Variants in NACAD observed in about 807,000 individuals in gnomAD.
The protein encoded by NACAD is NAC alpha domain containing.
Under a neutral mutation model 98.9 loss-of-function variants are expected in NACAD, and 47 were observed. The ratio of observed to expected loss-of-function variants is 0.48; its 90% CI spans 0.38 to 0.61. The LOEUF is 0.61. NACAD is among the 20% of genes least tolerant of loss of function. NACAD has a pLI of 0.00. For missense variants in NACAD, 1,412 were observed against 1,748.2 expected (o/e 0.81, Z 3.43); for synonymous variants, 696 against 767.2 (o/e 0.91, Z 1.53).
At position 45,086,116 on chromosome 7, in the gene NACAD, T is replaced by C. The variant is rs1056193501; in HGVS notation, c.68-4A>G. The C allele has an allele frequency of 6.5e-7, 1 of 1,535,050 alleles. No homozygotes were observed. Among genetic ancestry groups the C allele is most frequent in the Non-Finnish European group, 8.7e-7 (1 of 1,146,536 alleles). On this transcript the variant is annotated splice_region_variant and splice_polypyrimidine_tract_variant and intron_variant, in intron 1 of 7. Coordinates refer to ENST00000490531, the MANE Select transcript of NACAD (RefSeq NM_001146334.2). Reference sequence around the variant, plus strand: ...GCGGCCGCATCGCAGGACAGATCTGTGGAGATAGAGAAGATCATGAGGTGC... The same window carrying C: ...GCGGCCGCATCGCAGGACAGATCTGCGGAGATAGAGAAGATCATGAGGTGC...
chr7:45,086,312 T>C (rs573093550), intron 1 of NACAD, among the ~76,000 whole-genome samples, 200 bp from the exon 2 acceptor site: 9 of 152,160 alleles, frequency 5.9e-5, no homozygotes, highest in South Asian at 2.1e-4. Context: ...CAGATGCTAG[T>C]GGTTTCCTAG....
chr7:45,084,322 C>T lies in NACAD; in HGVS notation c.1858G>A (p.Val620Met), dbSNP rs1784476534. ...DTDLSSAPKPVAAATIVSQQA... is the reference protein window; with the variant it reads ...DTDLSSAPKPMAAATIVSQQA... Reference sequence around the variant, plus strand: ...TGGGACACAATCGTGGCTGCAGCCACAGGCTTTGGGGCTGATGAGAGATCT... The same window carrying T: ...TGGGACACAATCGTGGCTGCAGCCATAGGCTTTGGGGCTGATGAGAGATCT... Residue 620 changes from valine (V) to methionine (M), a missense_variant, in exon 2 of 8, where the codon GTG (valine) becomes ATG (methionine). Val to Met is a conservative substitution (Grantham distance 21, BLOSUM62 1). Around this residue, in one of 5 missense-constraint regions of NACAD, gnomAD observed 72 missense variants for 198.0 expected, o/e 0.36. Coordinates refer to ENST00000490531, the MANE Select transcript of NACAD (RefSeq NM_001146334.2). 7.1e-7 allele frequency: 1 copy of T among 1,405,096 alleles called. No individual in the cohort carries two copies. Among genetic ancestry groups the T allele is most frequent in the Non-Finnish European group, 9.5e-7 (1 of 1,058,042 alleles). 87.0% of individuals were successfully genotyped at this position (1,405,096 alleles called of 1,614,324 possible).
chr7:45,088,885 C>A lies in NACAD; in HGVS notation c.10G>T (p.Glu4Ter), dbSNP rs1457971311. MPG[E>*]AARAELLLPE... ...AGCAGCAGCTCGGCGCGGGCAGCCT[C>A]CCCAGGCATGGCCTGGCCGTGCGCC... The change falls in exon 1 of 8, where the codon GAG becomes TAG. Residue 4 changes from glutamate (E) to a stop codon, truncating the protein, a stop_gained. Coordinates refer to ENST00000490531, the MANE Select transcript of NACAD (RefSeq NM_001146334.2). LOFTEE classifies it high-confidence loss of function. This position sits in a 1 kb window ranked among gnomAD's most constrained non-coding sequence, Gnocchi z 5.7. The A allele has an allele frequency of 6.8e-7, 1 of 1,480,762 alleles. No homozygotes were observed. Among genetic ancestry groups the A allele is most frequent in the Admixed American group, 2.2e-5 (1 of 45,390 alleles). 91.7% of individuals were successfully genotyped at this position (1,480,762 alleles called of 1,614,324 possible). A position where few individuals can be genotyped will look rare whatever the true frequency, so the allele number is the denominator to read the frequency against.
In NACAD at chr7:45,082,055, G is replaced by A; in HGVS notation, c.4072+53C>T. On this transcript the variant is annotated intron_variant, in intron 2 of 7. Coordinates refer to ENST00000490531, the MANE Select transcript of NACAD (RefSeq NM_001146334.2). This position sits in a 1 kb window ranked among gnomAD's most constrained non-coding sequence, Gnocchi z 4.5. Reference sequence around the variant, plus strand: ...CTCCAGCTCAGGACAGCTCTAAGGAGGAGTCCAGTTGACCCAAGCCCCAGG... The same window carrying A: ...CTCCAGCTCAGGACAGCTCTAAGGAAGAGTCCAGTTGACCCAAGCCCCAGG... 6.8e-7 allele frequency: 1 copy of A among 1,461,428 alleles called. No individual in the cohort carries two copies. The allele number at this position is 1,461,428 out of a possible 1,614,324, so 90.5% of individuals were successfully genotyped here.
Position 45,085,744 on chromosome 7 carries a change from G to A in NACAD, c.436C>T (p.His146Tyr). 2 of 1,549,770 alleles carry A rather than the reference G, an allele frequency of 1.3e-6. No individual in the cohort carries two copies. Among genetic ancestry groups the A allele is most frequent in the Non-Finnish European group, 8.7e-7 (1 of 1,146,812 alleles). Reference sequence around the variant, plus strand: ...TCGGGGGGTGGGTCTGGGCTTGCGTGCCCACCCTCCTGGTCCCTGAGCGCT... The same window carrying A: ...TCGGGGGGTGGGTCTGGGCTTGCGTACCCACCCTCCTGGTCCCTGAGCGCT... ...RTALRDQEGG[H>Y]ASPDPPPELC... is the part of the protein sequence containing the mutation. The change falls in exon 2 of 8, where the codon CAC becomes TAC. Residue 146 changes from histidine (H) to tyrosine (Y), a missense_variant. By Grantham distance (83) the His-to-Tyr change is moderately conservative. Transcript: ENST00000490531. This position sits in a 1 kb window ranked among gnomAD's most constrained non-coding sequence, Gnocchi z 6.1.
Position 45,080,735 on chromosome 7 carries a change from C to T in NACAD, c.4579G>A (p.Asp1527Asn). ...GCCTGCGCCATCACCAGCTCAATGT[C>T]ACGCAGTTCCAGCCCCGCCTCGTCC... Reference protein sequence around the residue: ...EVDEAGLELRDIELVMAQANV... With the variant: ...EVDEAGLELRNIELVMAQANV... The change falls in exon 7 of 8, where the codon GAC (aspartate) becomes AAC (asparagine). Residue 1527 changes from aspartate to asparagine, a missense_variant. Asp to Asn is a conservative substitution (Grantham distance 23). Coordinates refer to ENST00000490531, the MANE Select transcript of NACAD (RefSeq NM_001146334.2). The T allele has an allele frequency of 6.4e-7, 1 of 1,550,984 alleles. No individual in the cohort carries two copies. The highest frequency in any genetic ancestry group is 8.7e-7 in the Non-Finnish European group (1 of 1,146,956).
In NACAD at chr7:45,085,889, A is replaced by C. The variant is rs1246649040; in HGVS notation, c.291T>G (p.Pro97=). 5 of 1,547,146 alleles carry C rather than the reference A, an allele frequency of 3.2e-6. No individual in the cohort carries two copies. The highest frequency in any genetic ancestry group is 4.4e-6 in the Non-Finnish European group (5 of 1,145,928). Residue 97 remains proline, a synonymous_variant, in exon 2 of 8, where the codon CCT becomes CCG. Transcript: ENST00000490531. This position sits in a 1 kb window ranked among gnomAD's most constrained non-coding sequence, Gnocchi z 6.1. Reference sequence around the variant, plus strand: ...ACAGAGCCTGGGAAGACAGGCCCTCAGGGAGGAGCATGGGGCTTGGGCCGC... The same window carrying C: ...ACAGAGCCTGGGAAGACAGGCCCTCCGGGAGGAGCATGGGGCTTGGGCCGC... ...GEGGPSPMLL[P]EGLSSQALST... is the part of the protein sequence containing the mutation.
At position 45,088,902 on chromosome 7, in the gene NACAD, C is replaced by T; in HGVS notation, c.-8G>A. Reference sequence around the variant, plus strand: ...GGCAGCCTCCCCAGGCATGGCCTGGCCGTGCGCCCGCCCGTCCCTCAGTCC... The same window carrying T: ...GGCAGCCTCCCCAGGCATGGCCTGGTCGTGCGCCCGCCCGTCCCTCAGTCC... On this transcript the variant is annotated 5_prime_UTR_variant, in exon 1 of 8. Transcript: ENST00000490531. This position sits in a 1 kb window ranked among gnomAD's most constrained non-coding sequence, Gnocchi z 5.7. The T allele has an allele frequency of 1.4e-6, 2 of 1,420,642 alleles. No homozygotes were observed. The highest frequency in any genetic ancestry group is 3.0e-5 in the East Asian group (1 of 33,062). The allele number at this position is 1,420,642 out of a possible 1,614,324, so 88.0% of individuals were successfully genotyped here.
chr7:45,085,248 AG>A lies in NACAD; in HGVS notation c.931del (p.Leu311TyrfsTer16). The A allele has an allele frequency of 6.4e-7, 1 of 1,551,378 alleles. No individual in the cohort carries two copies. The highest frequency in any genetic ancestry group is 8.7e-7 in the Non-Finnish European group (1 of 1,146,936). On this transcript the variant is annotated frameshift_variant, in exon 2 of 8. Coordinates refer to ENST00000490531, the MANE Select transcript of NACAD (RefSeq NM_001146334.2). LOFTEE classifies it high-confidence loss of function. This position sits in a 1 kb window ranked among gnomAD's most constrained non-coding sequence, Gnocchi z 6.1. ...AAAGATGAGGCTGCCCTGGAAGGGT[AG>A]GAGGGCTGCGGGGATCATTGGGTCA... ...ANDPMIPAALLPFQGSLIFQV... is the reference protein window; with the variant it reads ...ANDPMIPAALXPFQGSLIFQV...
intron 7 of NACAD, 54 bp from the exon 8 acceptor site, chr7:45,080,577 C>T: frequency 6.4e-7 from 1 of 1,551,434 alleles, no homozygotes; most frequent in Non-Finnish European, 8.7e-7. Context: ...GAGCCAACAT[C>T]AGGACCTCTC....
rs751485056 is a variant in NACAD at position 45,080,740 on chromosome 7, A to G, written c.4574T>C (p.Leu1525Pro). The G allele has an allele frequency of 7.1e-6, 11 of 1,550,956 alleles. No homozygotes were observed. In the South Asian group the frequency reaches 1.3e-4, roughly 18 times the overall value. Residue 1525 changes from leucine (L) to proline (P), a missense_variant, in exon 7 of 8, where the codon CTG (leucine) becomes CCG (proline). Coordinates refer to ENST00000490531, the MANE Select transcript of NACAD (RefSeq NM_001146334.2). ...CGCCATCACCAGCTCAATGTCACGC[A>G]GTTCCAGCCCCGCCTCGTCCACCTG... ...EEEVDEAGLE[L>P]RDIELVMAQA...
chr7:45,087,594 AG>A (rs1472301334), intron 1 of NACAD, among the ~76,000 whole-genome samples: 1 of 152,228 alleles, frequency 6.6e-6, no homozygotes, highest in African/African-American at 2.4e-5. Flanking sequence ...TTAGAGTTGA[AG>A]CTGAAAGAAG....
Position 45,088,938 on chromosome 7 carries a change from C to A in NACAD, c.-44G>T, listed in dbSNP as rs1179833454. On this transcript the variant is annotated 5_prime_UTR_variant, in exon 1 of 8. Coordinates refer to ENST00000490531, the MANE Select transcript of NACAD (RefSeq NM_001146334.2). This position sits in a 1 kb window ranked among gnomAD's most constrained non-coding sequence, Gnocchi z 5.7. ...CCCGTCCCTCAGTCCTTCCGACCCT[C>A]CGTCAGTCCGTGCCGCCGCCCCGCC... The A allele has an allele frequency of 7.7e-7, 1 of 1,290,580 alleles. No homozygotes were observed. Among genetic ancestry groups the A allele is most frequent in the South Asian group, 2.3e-5 (1 of 43,184 alleles). 79.9% of individuals were successfully genotyped at this position (1,290,580 alleles called of 1,614,324 possible). A position where few individuals can be genotyped will look rare whatever the true frequency, so the allele number is the denominator to read the frequency against.
chr7:45,081,721 C>T (rs1239844810), intron 3 of NACAD, 34 bp downstream of exon 3: 3 of 1,551,046 alleles, frequency 1.9e-6, no homozygotes, highest in Admixed American at 3.9e-5. Context: ...GTGGGGCCCT[C>T]CCAGAGGCCC....
In NACAD at chr7:45,082,480, T is replaced by C; in HGVS notation, c.3700A>G (p.Thr1234Ala). Residue 1234 changes from threonine to alanine, a missense_variant, in exon 2 of 8, where the codon ACC (threonine) becomes GCC (alanine). This residue lies in a region of NACAD where 572 missense variants were observed against 639.6 expected (regional missense o/e 0.89). Transcript: ENST00000490531. This position sits in a 1 kb window ranked among gnomAD's most constrained non-coding sequence, Gnocchi z 4.5. ...PLGPDPSAPG[T>A]LAGAALPPLE... ...GGGGGTAGGGCTGCCCCAGCAAGGG[T>C]ACCAGGAGCAGAAGGGTCAGGGCCC... The C allele has an allele frequency of 6.5e-7, 1 of 1,548,750 alleles. No individual in the cohort carries two copies. The highest frequency in any genetic ancestry group is 8.7e-7 in the Non-Finnish European group (1 of 1,146,600).
Position 45,084,490 on chromosome 7 carries a change from T to G in NACAD, c.1690A>C (p.Asn564His). ...TCCAGCCCTCCTTCTTCCTTCAAGT[T>G]CTGAGGAGAGTCTGGACACAATGTG... is the stretch of plus-strand genomic sequence containing the variant. ...SLTLCPDSPQ[N>H]LKEEGGLDLP... Residue 564 changes from asparagine to histidine, a missense_variant, in exon 2 of 8, where the codon AAC becomes CAC. Physicochemically the swap from Asn to His is moderately conservative, Grantham distance 68. Transcript: ENST00000490531. 1 of 1,552,206 alleles carries G rather than the reference T, an allele frequency of 6.4e-7. No individual in the cohort carries two copies.
Position 45,085,991 on chromosome 7 carries a change from G to C in NACAD, c.189C>G (p.Ala63=). 6.5e-7 allele frequency: 1 copy of C among 1,537,508 alleles called. No individual in the cohort carries two copies. The highest frequency in any genetic ancestry group is 1.4e-5 in the African/African-American group (1 of 73,000). The change falls in exon 2 of 8, where the codon GCC becomes GCG. Residue 63 remains alanine, a synonymous_variant. Transcript: ENST00000490531. This position sits in a 1 kb window ranked among gnomAD's most constrained non-coding sequence, Gnocchi z 6.1. ...AGCTGGCTCCCTCGGGCTGGGGCCG[G>C]GCACCCGGCTTGCTGGGCAGGAACG... ...ALTFLPSKPG[A]RPQPEGASWD...
Position 45,082,294 on chromosome 7 carries a change from G to C in NACAD, c.3886C>G (p.Arg1296Gly). ...GTTQPLGTGPRVSLSPHSPLL... is the reference protein window; with the variant it reads ...GTTQPLGTGPGVSLSPHSPLL... ...GGGGAGTGAGGCGAGAGGCTGACTC[G>C]CGGCCCAGTCCCCAGAGGCTGTGTG... is the stretch of plus-strand genomic sequence containing the variant. The change falls in exon 2 of 8, where the codon CGA becomes GGA. Residue 1296 changes from arginine to glycine, a missense_variant. This residue lies in a region of NACAD where 572 missense variants were observed against 639.6 expected (regional missense o/e 0.89). Coordinates refer to ENST00000490531, the MANE Select transcript of NACAD (RefSeq NM_001146334.2). The surrounding 1 kb of genome is among the most constrained non-coding windows in gnomAD (Gnocchi z 4.5). 6.4e-7 allele frequency: 1 copy of C among 1,550,614 alleles called. No individual in the cohort carries two copies. Among genetic ancestry groups the C allele is most frequent in the Non-Finnish European group, 8.7e-7 (1 of 1,146,964 alleles).
Position 45,085,591 on chromosome 7 carries a change from C to A in NACAD, c.589G>T (p.Ala197Ser), listed in dbSNP as rs372371122. Residue 197 changes from alanine (A) to serine (S), a missense_variant, in exon 2 of 8, where the codon GCC becomes TCC. Ala to Ser is a moderately conservative substitution (Grantham distance 99). This residue lies in a region of NACAD where 638 missense variants were observed against 722.7 expected (regional missense o/e 0.88). Transcript: ENST00000490531. This position sits in a 1 kb window ranked among gnomAD's most constrained non-coding sequence, Gnocchi z 6.1. Reference protein sequence around the residue: ...LLPACGPHGDARDSEAELRDE... With the variant: ...LLPACGPHGDSRDSEAELRDE... ...CGCAGCTCAGCCTCTGAGTCCCTGG[C>A]GTCCCCGTGGGGCCCACAGGCAGGA... The A allele has an allele frequency of 2.1e-5, 32 of 1,549,682 alleles. No homozygotes were observed. Among genetic ancestry groups the A allele is most frequent in the Non-Finnish European group, 2.7e-5 (31 of 1,146,682 alleles).
Sources: gnomAD v4.1 joint callset for allele counts (sites outside exome capture counted in the v4.1 genomes callset) on GRCh38, gnomAD v4.1.1 for gene constraint, gnomAD v4.1.1 regional missense constraint, Gnocchi (gnomAD v3.1) non-coding constraint, MANE v1.5 for transcripts, NCBI Gene and HGNC (gene_info 2026-07-23, HGNC 2026-07-21) for gene names.